Variants in LIPC observed in about 807,000 individuals in gnomAD.
The protein encoded by LIPC is lipase C, hepatic type.
LIPC carries 44 observed loss-of-function variants against 50.7 expected under a neutral mutation model. That is an observed-to-expected ratio of 0.87 (90% CI 0.68 to 1.11). The LOEUF (loss-of-function observed/expected upper bound fraction) is 1.11. Ranked by LOEUF, LIPC falls within the 50% of genes most tolerant of loss-of-function variation. The probability of loss-of-function intolerance (pLI) is 0.00; values close to 1 mark genes in which losing one functional copy is unlikely to be tolerated. For synonymous variants in LIPC, 271 were observed against 256.4 expected (o/e 1.06, Z -0.54); for missense variants, 697 against 648.2 (o/e 1.08, Z -0.82).
intron 1 of LIPC, among the ~76,000 whole-genome samples, chr15:58,524,844 T>C (rs1892755161): frequency 6.6e-6 from 1 of 152,200 alleles, no homozygotes; most frequent in Admixed American, 6.5e-5. Flanking sequence ...GCAATTATTT[T>C]TTCTCACTTT....
intron 5 of LIPC, among the ~76,000 whole-genome samples, chr15:58,547,403 G>C (rs1893571452): frequency 6.6e-6 from 1 of 152,136 alleles, no homozygotes; most frequent in South Asian, 2.1e-4. Context: ...AGGAGCGGAG[G>C]GCACGCAGCA....
At chr15:58,518,013 A>G (rs539846981) in intron 1 of LIPC, among the ~76,000 whole-genome samples, 54 of 152,340 alleles carry the variant, frequency 3.5e-4, no homozygotes, top group African/African-American at 1.2e-3. Flanking sequence ...CTCTTACTAT[A>G]TCAGAAAAGG....
Position 58,568,997 on chromosome 15 carries a change from A to G in LIPC, c.*170A>G, listed in dbSNP as rs1269309783. ...CATAAACTGAGCTTTTAAAAACGAT[A>G]TGATATAACTATTTTCCAGTATCAG... is the stretch of plus-strand genomic sequence containing the variant. On this transcript the variant is annotated 3_prime_UTR_variant, in exon 9 of 9. Transcript: ENST00000299022. 6 of 511,650 alleles carry G rather than the reference A, an allele frequency of 1.2e-5. No individual in the cohort carries two copies. The highest frequency in any genetic ancestry group is 1.0e-4 in the Admixed American group (3 of 28,600). The allele number at this position is 511,650 out of a possible 1,614,324, so 31.7% of individuals were successfully genotyped here.
At chr15:58,557,607 G>A (rs534098574) in intron 6 of LIPC, among the ~76,000 whole-genome samples, 104 of 151,940 alleles carry the variant, frequency 6.8e-4, no homozygotes, top group African/African-American at 1.6e-3. Context: ...GGATGGTCTC[G>A]ATCTGTTGAC....
intron 1 of LIPC, among the ~76,000 whole-genome samples, chr15:58,493,514 T>A (rs1891656482): frequency 6.6e-6 from 1 of 150,728 alleles, no homozygotes; most frequent in Non-Finnish European, 1.5e-5. Flanking sequence ...TATACACACC[T>A]AGAAAAAAAG....
chr15:58,438,163 C>A (rs1228493966), intron 1 of LIPC, among the ~76,000 whole-genome samples: 1 of 152,200 alleles, frequency 6.6e-6, no homozygotes, highest in African/African-American at 2.4e-5. Context: ...CCTCTCCCTG[C>A]CCTCCTCTCC....
intron 8 of LIPC, chr15:58,565,613 T>G: frequency 1.9e-6 from 2 of 1,071,328 alleles, no homozygotes; most frequent in African/African-American, 3.3e-5. Context: ...TTGAGGACAT[T>G]GCTCAAAATT....
At chr15:58,488,537 A>C (rs532636151) in intron 1 of LIPC, among the ~76,000 whole-genome samples, 33 of 152,308 alleles carry the variant, frequency 2.2e-4, no homozygotes, top group African/African-American at 7.7e-4. Flanking sequence ...TGGAAGGAAA[A>C]TATTTAGTCC....
chr15:58,487,569 T>C (rs776403606), intron 1 of LIPC, among the ~76,000 whole-genome samples: 9 of 152,240 alleles, frequency 5.9e-5, no homozygotes, highest in Non-Finnish European at 8.8e-5. Flanking sequence ...TGCTTCTCAG[T>C]TGTTGGACAT....
intron 6 of LIPC, 125 bp downstream of exon 6, chr15:58,548,697 T>C (rs1893634283): frequency 7.6e-7 from 1 of 1,314,558 alleles, no homozygotes; most frequent in Non-Finnish European, 1.1e-6. Flanking sequence ...TTTCTGAAAC[T>C]GTGCAGGCTC....
chr15:58,485,817 C>G (rs2140788487), intron 1 of LIPC, among the ~76,000 whole-genome samples: 1 of 152,330 alleles, frequency 6.6e-6, no homozygotes, highest in South Asian at 2.1e-4. Flanking sequence ...CTTGAGGCCC[C>G]TTCTTCTCAA....
In LIPC at chr15:58,432,798, T is replaced by C. The variant is rs116947926; in HGVS notation, c.88+678T>C. Among the ~76,000 whole-genome samples the C allele has an allele frequency of 1.4e-4, 22 of 152,322 alleles. No individual in the cohort carries two copies. The East Asian group carries it at 4.0e-3, about 28-fold the overall frequency. ...GACCAATAAATGACGGATCAGTTAA[T>C]TGAACAATTTGGCCAGACTAGACAG... On this transcript the variant is annotated intron_variant, in intron 1 of 8. Transcript: ENST00000299022.
At chr15:58,528,509 C>T (rs564385699) in intron 1 of LIPC, among the ~76,000 whole-genome samples, 2 of 152,254 alleles carry the variant, frequency 1.3e-5, no homozygotes, top group African/African-American at 2.4e-5. Context: ...CTCCAGAGCT[C>T]GGTGCCTTTT....
In LIPC at chr15:58,548,296, G is replaced by A. The variant is rs1237161515; in HGVS notation, c.809-34G>A. The A allele has an allele frequency of 5.0e-6, 8 of 1,613,570 alleles. No individual in the cohort carries two copies. In the African/African-American group the frequency reaches 8.0e-5, roughly 16 times the overall value. On this transcript the variant is annotated intron_variant, in intron 5 of 8. Coordinates refer to ENST00000299022, the MANE Select transcript of LIPC (RefSeq NM_000236.3). ...CTGAGTTGAGGCTGCTTTGGGTTAA[G>A]GGGTGATAACGTCCTTCTTGCCCTG...
chr15:58,453,703 C>A (rs1374957204), intron 1 of LIPC, among the ~76,000 whole-genome samples: 1 of 151,758 alleles, frequency 6.6e-6, no homozygotes, highest in Non-Finnish European at 1.5e-5. Flanking sequence ...GAGGTCAAGA[C>A]CAGCCTGGGC....
chr15:58,483,405 C>T (rs1442161639), intron 1 of LIPC, among the ~76,000 whole-genome samples: 1 of 152,138 alleles, frequency 6.6e-6, no homozygotes, highest in Non-Finnish European at 1.5e-5. Context: ...AAGCAATTGG[C>T]ACACTGACCC....
chr15:58,470,765 A>G (rs1263828597), intron 1 of LIPC, among the ~76,000 whole-genome samples: 2 of 152,180 alleles, frequency 1.3e-5, no homozygotes, highest in Non-Finnish European at 2.9e-5. Context: ...ACACACAGCT[A>G]ATTTTTATAT....
At chr15:58,519,471 T>A (rs1408850368) in intron 1 of LIPC, among the ~76,000 whole-genome samples, 1 of 151,876 alleles carries the variant, frequency 6.6e-6, no homozygotes, top group African/African-American at 2.4e-5. Context: ...AGCCAAGGAT[T>A]AAGAGAGTTA....
At position 58,493,417 on chromosome 15, in the gene LIPC, C is replaced by T. The variant is rs1891650607; in HGVS notation, c.89-44916C>T. 2.0e-5 allele frequency among the ~76,000 whole-genome samples: 3 copies of T among 152,132 alleles called. No individual in the cohort carries two copies. The South Asian group carries it at 6.2e-4, about 32-fold the overall frequency. ...AAAGACTCCATATGTGCCTGGCCCA[C>T]ACCCGAGTTTGGCTCACTATGCACA... is the stretch of plus-strand genomic sequence containing the variant. On this transcript the variant is annotated intron_variant, in intron 1 of 8. Coordinates refer to ENST00000299022, the MANE Select transcript of LIPC (RefSeq NM_000236.3).
Sources: gnomAD v4.1 joint callset for allele counts (sites outside exome capture counted in the v4.1 genomes callset) on GRCh38, gnomAD v4.1.1 for gene constraint, MANE v1.5 for transcripts, NCBI Gene and HGNC (gene_info 2026-07-23, HGNC 2026-07-21) for gene names.